The following FSTL4 variants were observed in gnomAD, a reference collection of about 807,000 sequenced individuals.
FSTL4 encodes follistatin like 4, also known as follistatin-related protein 4.
FSTL4 carries 28 observed loss-of-function variants against 78.2 expected under a neutral mutation model. The ratio of observed to expected loss-of-function variants is 0.36; its 90% CI spans 0.27 to 0.49. FSTL4 has a LOEUF of 0.49. Among genes scored for constraint, FSTL4 ranks in the 20% least tolerant of loss-of-function variants. The pLI is 0.98. For missense variants in FSTL4, 922 were observed against 1,084.9 expected, an observed-to-expected ratio of 0.85 and a Z score of 2.11; for synonymous variants, 422 against 440.5, an observed-to-expected ratio of 0.96 and a Z score of 0.53.
intron 4 of FSTL4, among the ~76,000 whole-genome samples, chr5:133,380,816 A>T (rs1307251951): frequency 1.9e-5 from 2 of 107,878 alleles, no homozygotes; most frequent in Admixed American, 9.1e-5. Flanking sequence ...AATATATATC[A>T]TATATATATA....
chr5:133,701,638 A>G, the FSTL4 span, among the ~76,000 whole-genome samples: 1 of 152,110 alleles, frequency 6.6e-6, no homozygotes, highest in African/African-American at 2.4e-5. Flanking sequence ...GTTCTTCCGC[A>G]CACACCTTCT....
chr5:133,631,284 A>G, the FSTL4 span, among the ~76,000 whole-genome samples: 1 of 150,324 alleles, frequency 6.7e-6, no homozygotes, highest in Non-Finnish European at 1.5e-5. Flanking sequence ...TCTACAAGGA[A>G]CTTAAACACA....
the FSTL4 span, among the ~76,000 whole-genome samples, chr5:133,712,570 T>C: frequency 2.0e-5 from 3 of 152,220 alleles, no homozygotes; most frequent in African/African-American, 7.2e-5. Flanking sequence ...TTAACACGGG[T>C]AACCCCTGAG....
intron 7 of FSTL4, among the ~76,000 whole-genome samples, chr5:133,242,164 C>A (rs566789484): frequency 6.6e-6 from 1 of 152,324 alleles, no homozygotes; most frequent in Non-Finnish European, 1.5e-5. Context: ...GTCTTGTTTG[C>A]TGTAGACAAA....
chr5:133,759,777 A>G, the FSTL4 span, among the ~76,000 whole-genome samples: 1 of 152,240 alleles, frequency 6.6e-6, no homozygotes, highest in African/African-American at 2.4e-5. Flanking sequence ...TGGATGCCAC[A>G]TGAACTACTA....
chr5:133,391,684 G>T (rs927269636), intron 4 of FSTL4, among the ~76,000 whole-genome samples: 5 of 151,988 alleles, frequency 3.3e-5, no homozygotes, highest in African/African-American at 4.8e-5. Flanking sequence ...CCCCAAACAC[G>T]CTAGGCAAGC....
the FSTL4 span, among the ~76,000 whole-genome samples, chr5:133,818,227 T>C: frequency 1.3e-5 from 2 of 152,192 alleles, no homozygotes; most frequent in Non-Finnish European, 2.9e-5. Context: ...GAGTCAACAA[T>C]GGGCCGTGGA....
chr5:133,682,537 C>T, the FSTL4 span, among the ~76,000 whole-genome samples: 3 of 152,178 alleles, frequency 2.0e-5, no homozygotes, highest in African/African-American at 4.8e-5. Flanking sequence ...GAAATGATGC[C>T]GCCCCTTTCC....
At chr5:133,242,450 A>C (rs974068567) in intron 7 of FSTL4, among the ~76,000 whole-genome samples, 2 of 152,326 alleles carry the variant, frequency 1.3e-5, no homozygotes, top group African/African-American at 4.8e-5. Flanking sequence ...AAGCTGAATC[A>C]GAACCTTCCT....
the FSTL4 span, among the ~76,000 whole-genome samples, chr5:133,743,393 G>C: frequency 6.6e-6 from 1 of 152,166 alleles, no homozygotes; most frequent in African/African-American, 2.4e-5. Flanking sequence ...GTTCTGGTAC[G>C]GTACCTTTAA....
chr5:133,805,484 G>T, the FSTL4 span, among the ~76,000 whole-genome samples: 10 of 152,222 alleles, frequency 6.6e-5, no homozygotes, highest in African/African-American at 2.4e-4. Context: ...GCAGAAATGT[G>T]ACTATCGTAT....
At chr5:133,739,520 G>A in the FSTL4 span, among the ~76,000 whole-genome samples, 1 of 152,120 alleles carries the variant, frequency 6.6e-6, no homozygotes, top group African/African-American at 2.4e-5. Flanking sequence ...CACCCTGACA[G>A]GAGAATTTCT....
chr5:133,806,214 C>T, the FSTL4 span, among the ~76,000 whole-genome samples: 6 of 152,086 alleles, frequency 3.9e-5, no homozygotes, highest in African/African-American at 1.4e-4. Flanking sequence ...TGGAGTCGTT[C>T]TTTGACAACA....
chr5:133,385,382 G>A (rs1755675534), intron 4 of FSTL4, among the ~76,000 whole-genome samples: 1 of 152,236 alleles, frequency 6.6e-6, no homozygotes, highest in African/African-American at 2.4e-5. Context: ...GGCAGGATGA[G>A]GTTTAGAGCA....
At chr5:133,783,377 G>A in the FSTL4 span, among the ~76,000 whole-genome samples, 4 of 152,222 alleles carry the variant, frequency 2.6e-5, no homozygotes, top group South Asian at 6.2e-4. Context: ...CCAGCTTAAC[G>A]CCTTTTGTCC....
chr5:133,773,606 T>G, the FSTL4 span, among the ~76,000 whole-genome samples: 3 of 152,236 alleles, frequency 2.0e-5, no homozygotes, highest in African/African-American at 7.2e-5. Flanking sequence ...TGGGTCCCAG[T>G]AACAGCTTCT....
At chr5:133,839,516 T>G in the FSTL4 span, among the ~76,000 whole-genome samples, 1 of 148,876 alleles carries the variant, frequency 6.7e-6, no homozygotes, top group South Asian at 2.2e-4. Flanking sequence ...ATTTATTTAA[T>G]GACAGAAAGT....
intron 4 of FSTL4, 77 bp downstream of exon 4, chr5:133,400,661 C>T: frequency 7.6e-7 from 1 of 1,318,702 alleles, no homozygotes; most frequent in Non-Finnish European, 1.1e-6. Flanking sequence ...AGACTCAGCA[C>T]CCAGGTCACT....
At chr5:133,622,915 G>C in the FSTL4 span, among the ~76,000 whole-genome samples, 6 of 152,082 alleles carry the variant, frequency 3.9e-5, no homozygotes. Context: ...GATGCAGTCA[G>C]ACTTATCATT....
Sources: gnomAD v4.1 joint callset for allele counts (sites outside exome capture counted in the v4.1 genomes callset) on GRCh38, gnomAD v4.1.1 for gene constraint, MANE v1.5 for transcripts, NCBI Gene and HGNC (gene_info 2026-07-23, HGNC 2026-07-21) for gene names.